Variants in MTUS1 observed in about 807,000 individuals in gnomAD.
The protein encoded by MTUS1 is microtubule-associated tumor suppressor 1.
MTUS1 carries 109 observed loss-of-function variants against 120.8 expected under a neutral mutation model. The ratio of observed to expected loss-of-function variants is 0.90; its 90% CI spans 0.77 to 1.06. The LOEUF is 1.06. MTUS1 is among the 50% of genes least tolerant of loss of function. MTUS1 has a pLI of 0.00. For synonymous variants in MTUS1, 737 were observed against 550.5 expected (o/e 1.34, Z -4.74); for missense variants, 2,210 against 1,486.3 (o/e 1.49, Z -8.01).
chr8:17,653,164 T>C (rs1347284340), intron 12 of MTUS1, 22 bp downstream of exon 12: 5 of 1,382,198 alleles, frequency 3.6e-6, no homozygotes, highest in Non-Finnish European at 4.9e-6. Flanking sequence ...TCCATACTGA[T>C]AAAGGAGCAC....
At chr8:17,728,788 G>A (rs1053222573) in intron 3 of MTUS1, among the ~76,000 whole-genome samples, 3 of 151,984 alleles carry the variant, frequency 2.0e-5, no homozygotes, top group African/African-American at 7.3e-5. Context: ...GGGTTGGGGG[G>A]GTCGGGGAGG....
intron 1 of MTUS1, among the ~76,000 whole-genome samples, chr8:17,778,645 C>CA (rs1468015204): frequency 1.3e-5 from 2 of 151,860 alleles, no homozygotes; most frequent in East Asian, 1.9e-4. Flanking sequence ...CTGTCTCTAC[C>CA]AAAAAATCCA....
chr8:17,713,697 T>C (rs1821773641), intron 5 of MTUS1, among the ~76,000 whole-genome samples: 1 of 152,186 alleles, frequency 6.6e-6, no homozygotes, highest in Non-Finnish European at 1.5e-5. Context: ...TAGAAGTTTT[T>C]CCTCCAAACT....
At chr8:17,746,809 T>A (rs2047787908) in intron 2 of MTUS1, among the ~76,000 whole-genome samples, 1 of 152,226 alleles carries the variant, frequency 6.6e-6, no homozygotes, top group Admixed American at 6.5e-5. Flanking sequence ...AATAATCCTG[T>A]GAAGTTGGTA....
At chr8:17,719,591 A>C (rs1358109793) in intron 4 of MTUS1, among the ~76,000 whole-genome samples, 1 of 152,152 alleles carries the variant, frequency 6.6e-6, no homozygotes, top group Non-Finnish European at 1.5e-5. Flanking sequence ...TAATGAATCT[A>C]CCGCCTGTTC....
chr8:17,711,935 T>A (rs1034927536), intron 6 of MTUS1, among the ~76,000 whole-genome samples: 1 of 152,194 alleles, frequency 6.6e-6, no homozygotes, highest in East Asian at 1.9e-4. Flanking sequence ...AGTGGAGCAC[T>A]TGAAATGCAA....
intron 2 of MTUS1, among the ~76,000 whole-genome samples, chr8:17,745,213 T>G (rs2047652351): frequency 6.6e-6 from 1 of 152,196 alleles, no homozygotes; most frequent in African/African-American, 2.4e-5. Context: ...TGTACAGTTG[T>G]CCCTCGGTAT....
chr8:17,768,870 T>C (rs916249687), intron 1 of MTUS1, among the ~76,000 whole-genome samples: 2 of 152,166 alleles, frequency 1.3e-5, no homozygotes, highest in Non-Finnish European at 2.9e-5. Flanking sequence ...TTTACACCAA[T>C]AAAGATTAAA....
rs1362634281 is a variant in MTUS1 at position 17,723,066 on chromosome 8, G to A, written c.2449+606C>T. Among the ~76,000 whole-genome samples the A allele has an allele frequency of 4.6e-5, 7 of 152,114 alleles. No homozygotes were observed. In the South Asian group the frequency reaches 8.3e-4, roughly 18 times the overall value. ...GCCTATCATGGTGTCTGTGCACAGC[G>A]GGCACTCCAAGATGGTTTAAATTTA... On this transcript the variant is annotated intron_variant, in intron 4 of 14. Coordinates refer to ENST00000693296, the MANE Select transcript of MTUS1 (RefSeq NM_001363059.2).
intron 6 of MTUS1, chr8:17,691,275 C>G (rs529320274): frequency 6.6e-6 from 1 of 152,350 alleles, no homozygotes; most frequent in Non-Finnish European, 1.5e-5. Flanking sequence ...CTTTCAACAT[C>G]TCACTTTTAA....
chr8:17,676,365 G>T, intron 7 of MTUS1: 1 of 702,388 alleles, frequency 1.4e-6, no homozygotes, highest in South Asian at 1.5e-5. Flanking sequence ...CCCACCCCTC[G>T]CACTGTGCAA....
intron 3 of MTUS1, 26 bp downstream of exon 3, chr8:17,743,578 A>G (rs745735403): frequency 2.5e-6 from 4 of 1,594,000 alleles, no homozygotes; most frequent in East Asian, 2.2e-5. Flanking sequence ...ATTAACTCAT[A>G]AACTATTGAA....
chr8:17,783,852 C>A (rs1423395545), intron 1 of MTUS1, among the ~76,000 whole-genome samples: 1 of 152,178 alleles, frequency 6.6e-6, no homozygotes, highest in Non-Finnish European at 1.5e-5. Flanking sequence ...TCAACAAATA[C>A]CACTGACAGT....
At chr8:17,715,440 C>A (rs546406973) in intron 5 of MTUS1, among the ~76,000 whole-genome samples, 1 of 152,098 alleles carries the variant, frequency 6.6e-6, no homozygotes. Context: ...AACATCTACC[C>A]TGATGAAAAG....
At chr8:17,655,651 G>C (rs1365950621) in intron 9 of MTUS1, among the ~76,000 whole-genome samples, 2 of 152,140 alleles carry the variant, frequency 1.3e-5, no homozygotes, top group Non-Finnish European at 2.9e-5. Context: ...TTGAACCCGG[G>C]AGGCAGAGGC....
chr8:17,694,667 AAAAC>A (rs920201434), intron 6 of MTUS1, among the ~76,000 whole-genome samples: 10 of 150,620 alleles, frequency 6.6e-5, no homozygotes, highest in Non-Finnish European at 1.3e-4. Context: ...GACTCCATCT[AAAAC>A]AAAGCAACAA....
At position 17,755,550 on chromosome 8, in the gene MTUS1, A is replaced by G. The variant is rs1167371742; in HGVS notation, c.258T>C (p.Ser86=). ...ACACCTGCTTACTAATGAAATCACT[A>G]GAAGACTTTTCATGACCAAATACTT... ...GVEVFGHEKS[S]SDFISKQVLD... is the part of the protein sequence containing the mutation. Residue 86 remains serine, a synonymous_variant, in exon 2 of 15, where the codon TCT becomes TCC. Transcript: ENST00000693296. The G allele has an allele frequency of 1.2e-6, 2 of 1,614,096 alleles. No individual in the cohort carries two copies. The highest frequency in any genetic ancestry group is 8.5e-7 in the Non-Finnish European group (1 of 1,180,028).
chr8:17,777,968 CCTG>C (rs1477361024), intron 1 of MTUS1, among the ~76,000 whole-genome samples: 1 of 152,072 alleles, frequency 6.6e-6, no homozygotes, highest in African/African-American at 2.4e-5. Context: ...TTTTATGATT[CCTG>C]CTATGTAAAA....
At chr8:17,711,364 T>C (rs1336499807) in intron 6 of MTUS1, among the ~76,000 whole-genome samples, 2 of 152,244 alleles carry the variant, frequency 1.3e-5, no homozygotes, top group African/African-American at 2.4e-5. Context: ...CGCTGTAGCT[T>C]CTACATCAGC....
Sources: gnomAD v4.1 joint callset for allele counts (sites outside exome capture counted in the v4.1 genomes callset) on GRCh38, gnomAD v4.1.1 for gene constraint, MANE v1.5 for transcripts, NCBI Gene and HGNC (gene_info 2026-07-23, HGNC 2026-07-21) for gene names.